The following ZNF723 variants were observed in gnomAD, a reference collection of about 807,000 sequenced individuals.
ZNF723 encodes zinc finger protein 723.
Under a neutral mutation model 9.4 loss-of-function variants are expected in ZNF723, and 5 were observed. That is an observed-to-expected ratio of 0.53 (90% CI 0.28 to 1.12). ZNF723 has a LOEUF of 1.12. Ranked by LOEUF, ZNF723 falls within the 50% of genes most tolerant of loss-of-function variation. The pLI is 0.10. For missense variants in ZNF723, 450 were observed against 501.5 expected, an observed-to-expected ratio of 0.90 and a Z score of 0.98; for synonymous variants, 158 against 168.8, an observed-to-expected ratio of 0.94 and a Z score of 0.49.
At chr19:22,851,058 T>C (rs890470022) in intron 3 of ZNF723, among the ~76,000 whole-genome samples, 1 of 152,156 alleles carries the variant, frequency 6.6e-6, no homozygotes, top group African/African-American at 2.4e-5. Flanking sequence ...ATTTAAGTGT[T>C]GTTTTTTCTA....
the ZNF723 span, among the ~76,000 whole-genome samples, chr19:22,817,829 T>C: frequency 6.6e-6 from 1 of 152,052 alleles, no homozygotes; most frequent in Non-Finnish European, 1.5e-5. Context: ...TACCACTGTC[T>C]CACATGTCAT....
At chr19:22,828,781 T>C (rs1283399060), upstream of ZNF723, among the ~76,000 whole-genome samples, 1 of 152,098 alleles carries the variant, frequency 6.6e-6, no homozygotes, top group Non-Finnish European at 1.5e-5. Flanking sequence ...CAACTGAAAA[T>C]TGAAGAAAAT....
upstream of ZNF723, among the ~76,000 whole-genome samples, chr19:22,830,755 ATTTTTCTT>A (rs1967085102): frequency 6.6e-5 from 10 of 151,926 alleles, no homozygotes; most frequent in Admixed American, 6.6e-4. Flanking sequence ...AATTGCAGCA[ATTTTTCTT>A]TTTTTCTTTT....
At chr19:22,813,333 T>C in the ZNF723 span, among the ~76,000 whole-genome samples, 2 of 152,160 alleles carry the variant, frequency 1.3e-5, no homozygotes, top group Non-Finnish European at 2.9e-5. Context: ...GCCCAGTCCA[T>C]AGATGCAAGT....
chr19:22,813,754 C>G, the ZNF723 span, among the ~76,000 whole-genome samples: 33 of 151,484 alleles, frequency 2.2e-4, no homozygotes, highest in South Asian at 1.7e-3. Flanking sequence ...AACAAACAAA[C>G]AAACAAAAAA....
chr19:22,841,332 C>T (rs1783557668), intron 1 of ZNF723, among the ~76,000 whole-genome samples: 1 of 152,194 alleles, frequency 6.6e-6, no homozygotes, highest in African/African-American at 2.4e-5. Context: ...CTACATATGA[C>T]ATGGTGCTGT....
chr19:22,815,873 G>A, the ZNF723 span, among the ~76,000 whole-genome samples: 3 of 152,186 alleles, frequency 2.0e-5, no homozygotes, highest in African/African-American at 7.2e-5. Context: ...CAACTGTTAA[G>A]ACTGTCACCC....
At chr19:22,826,534 A>G in the ZNF723 span, among the ~76,000 whole-genome samples, 3 of 152,228 alleles carry the variant, frequency 2.0e-5, no homozygotes, top group Non-Finnish European at 4.4e-5. Flanking sequence ...TTTCATATGC[A>G]CACCCAGGCA....
chr19:22,835,520 TTTTG>T lies in ZNF723; in HGVS notation c.3+3150_3+3153del, dbSNP rs376298035. The stretch of plus-strand genomic sequence containing the variant: ...GTTAAGAGTTCGCATTTACCGTTTT[TTTTG>T]TTTGTTTGTTTTTGTTTGTTTTTCC... On this transcript the variant is annotated intron_variant, in intron 1 of 3. Coordinates refer to ENST00000600766, the MANE Select transcript of ZNF723 (RefSeq NM_001349726.2). 1.6e-4 allele frequency among the ~76,000 whole-genome samples: 25 copies of T among 152,288 alleles called. No individual in the cohort carries two copies. In the South Asian group the frequency reaches 1.9e-3, roughly 11 times the overall value.
In ZNF723 at chr19:22,858,420, C is replaced by A. The variant is rs750312324; in HGVS notation, c.1529C>A (p.Thr510Asn). The change falls in exon 4 of 4, where the codon ACC (threonine) becomes AAC (asparagine). Residue 510 changes from threonine (T) to asparagine (N), a missense_variant. Thr to Asn is a moderately conservative substitution (Grantham distance 65). Transcript: ENST00000600766. ...ATTCATACTAAAGAGAAATCACAAACCTTAAAGATGTGACAATGCTTTTTA... is the reference window on the plus strand; with the variant it reads ...ATTCATACTAAAGAGAAATCACAAAACTTAAAGATGTGACAATGCTTTTTA... Reference protein sequence around the residue: ...KIIHTKEKSQTLKM With the variant: ...KIIHTKEKSQNLKM 3.5e-4 allele frequency: 245 copies of A among 708,718 alleles called. No individual in the cohort carries two copies. Among genetic ancestry groups the A allele is most frequent in the Non-Finnish European group, 5.3e-4 (223 of 422,112 alleles). 43.9% of individuals were successfully genotyped at this position (708,718 alleles called of 1,614,324 possible).
chr19:22,833,339 G>T (rs1260882842), intron 1 of ZNF723, among the ~76,000 whole-genome samples: 10 of 151,950 alleles, frequency 6.6e-5, no homozygotes, highest in Non-Finnish European at 1.0e-4. Context: ...TTTTGGTAGA[G>T]ACGGGGTTTC....
In ZNF723 at chr19:22,858,525, T is replaced by A; in HGVS notation, c.*92T>A. On this transcript the variant is annotated 3_prime_UTR_variant, in exon 4 of 4. Transcript: ENST00000600766. ...GCTTACGCCTGTAATCCCAGCACTTTGGGAGGCCGAGGCGGGCAGATCACC... is the reference window on the plus strand; with the variant it reads ...GCTTACGCCTGTAATCCCAGCACTTAGGGAGGCCGAGGCGGGCAGATCACC... 3.5e-6 allele frequency: 2 copies of A among 570,456 alleles called. No homozygotes were observed. Among genetic ancestry groups the A allele is most frequent in the Admixed American group, 3.2e-5 (1 of 31,170 alleles). The allele number at this position is 570,456 out of a possible 1,614,324, so 35.3% of individuals were successfully genotyped here. A position where few individuals can be genotyped will look rare whatever the true frequency, so the allele number is the denominator to read the frequency against.
At chr19:22,813,315 C>T in the ZNF723 span, among the ~76,000 whole-genome samples, 1 of 152,246 alleles carries the variant, frequency 6.6e-6, no homozygotes, top group African/African-American at 2.4e-5. Flanking sequence ...TTTGACTCTC[C>T]TGCCTGGGCC....
intron 1 of ZNF723, among the ~76,000 whole-genome samples, chr19:22,836,359 TAAAAC>T (rs1358175611): frequency 2.0e-5 from 3 of 152,020 alleles, no homozygotes; most frequent in Non-Finnish European, 2.9e-5. Context: ...CTTTTAGAAA[TAAAAC>T]AAAGTCAGAT....
chr19:22,845,682 TC>T (rs1263489021), intron 1 of ZNF723, among the ~76,000 whole-genome samples: 4 of 152,238 alleles, frequency 2.6e-5, no homozygotes, highest in African/African-American at 9.6e-5. Flanking sequence ...AACTCATTGT[TC>T]CTGAATTTTT....
chr19:22,816,793 T>C, the ZNF723 span, among the ~76,000 whole-genome samples: 1 of 152,256 alleles, frequency 6.6e-6, no homozygotes, highest in Admixed American at 6.5e-5. Context: ...TTTGCCCACA[T>C]GGGCCATTGT....
rs1599482760 is a variant in ZNF723 at position 22,857,896 on chromosome 19, T to C, written c.1005T>C (p.His335=). ...ACCTTGCTACACATAAGAGAATTCA[T>C]ACTGGAGAGAAACTCTACAAATGTG... is the stretch of plus-strand genomic sequence containing the variant. ...PSHLATHKRI[H]TGEKLYKCEE... The change falls in exon 4 of 4, where the codon CAT becomes CAC. Residue 335 remains histidine, a synonymous_variant. Transcript: ENST00000600766. 1 of 1,429,244 alleles carries C rather than the reference T, an allele frequency of 7.0e-7. No individual in the cohort carries two copies. The allele number at this position is 1,429,244 out of a possible 1,614,324, so 88.5% of individuals were successfully genotyped here.
chr19:22,841,635 C>T (rs1967246608), intron 1 of ZNF723, among the ~76,000 whole-genome samples: 1 of 152,158 alleles, frequency 6.6e-6, no homozygotes, highest in South Asian at 2.1e-4. Context: ...CAGATTTCTA[C>T]AAACTTCACA....
At chr19:22,832,480 C>A in intron 1 of ZNF723, 98 bp downstream of exon 1, 1 of 1,212,822 alleles carries the variant, frequency 8.2e-7, no homozygotes, top group South Asian at 1.2e-5. Flanking sequence ...TGCTGTCAGC[C>A]CCACAATCTG....
Sources: gnomAD v4.1 joint callset for allele counts (sites outside exome capture counted in the v4.1 genomes callset) on GRCh38, gnomAD v4.1.1 for gene constraint, MANE v1.5 for transcripts, NCBI Gene and HGNC (gene_info 2026-07-23, HGNC 2026-07-21) for gene names.